GRID2: variants seen among roughly 807,000 people sequenced by gnomAD.
GRID2 encodes the protein glutamate receptor ionotropic, delta-2.
A neutral mutation model predicts 114.8 loss-of-function variants in GRID2; 33 were observed. The ratio of observed to expected loss-of-function variants is 0.29; its 90% CI spans 0.22 to 0.38. The LOEUF is 0.38. Ranked by LOEUF, GRID2 falls within the 10% of genes least tolerant of loss-of-function variation. The pLI is 1.00. For missense variants in GRID2, 1,184 were observed against 1,257.7 expected, an observed-to-expected ratio of 0.94 and a Z score of 0.89; for synonymous variants, 505 against 449.9, an observed-to-expected ratio of 1.12 and a Z score of -1.55.
intron 2 of GRID2, among the ~76,000 whole-genome samples, chr4:92,738,596 C>T (rs1343970249): frequency 6.6e-6 from 1 of 152,038 alleles, no homozygotes; most frequent in African/African-American, 2.4e-5. Flanking sequence ...TTTACTTGAA[C>T]AGACTTTTTG....
At chr4:93,545,789 A>G (rs1733155784) in intron 13 of GRID2, among the ~76,000 whole-genome samples, 1 of 152,192 alleles carries the variant, frequency 6.6e-6, no homozygotes, top group Non-Finnish European at 1.5e-5. Flanking sequence ...CTATTATACC[A>G]CAAAAAAATA....
intron 13 of GRID2, among the ~76,000 whole-genome samples, chr4:93,524,823 G>GTATATATATATATATA (rs1300787035): frequency 1.3e-4 from 8 of 59,902 alleles, no homozygotes; most frequent in Non-Finnish European, 1.8e-4. Flanking sequence ...ATGTATGTAT[G>GTATATATATATATATA]TATATATATA....
At chr4:93,732,514 G>A (rs908421642) in intron 14 of GRID2, among the ~76,000 whole-genome samples, 1 of 152,072 alleles carries the variant, frequency 6.6e-6, no homozygotes, top group Non-Finnish European at 1.5e-5. Context: ...GCTGTTTACA[G>A]GAATATATTT....
intron 10 of GRID2, among the ~76,000 whole-genome samples, chr4:93,449,096 A>G (rs76039383): frequency 0.018 from 2,665 of 150,704 alleles, 67 homozygotes; most frequent in African/African-American, 0.062. Context: ...ACATTGTAAT[A>G]TTATTTAAAA....
At chr4:93,704,857 C>T (rs528651945) in intron 14 of GRID2, among the ~76,000 whole-genome samples, 6 of 152,226 alleles carry the variant, frequency 3.9e-5, no homozygotes, top group South Asian at 4.1e-4. Flanking sequence ...AATCTGTCGA[C>T]GGACACTTAG....
chr4:93,555,648 C>A (rs988260672), intron 13 of GRID2, among the ~76,000 whole-genome samples: 1 of 152,202 alleles, frequency 6.6e-6, no homozygotes, highest in Non-Finnish European at 1.5e-5. Context: ...TGGGACAGAG[C>A]ACCTGGGGGA....
intron 1 of GRID2, among the ~76,000 whole-genome samples, chr4:92,488,194 A>C (rs946309545): frequency 3.3e-5 from 5 of 152,168 alleles, no homozygotes; most frequent in Admixed American, 1.3e-4. Context: ...TGTTTGGTTA[A>C]ATTCTTACAT....
intron 2 of GRID2, among the ~76,000 whole-genome samples, chr4:92,665,557 C>A (rs1732729608): frequency 6.6e-6 from 1 of 151,224 alleles, no homozygotes; most frequent in Non-Finnish European, 1.5e-5. Context: ...TACCATCTAG[C>A]ATCCTTCATT....
At chr4:93,725,177 C>T (rs1364977334) in intron 14 of GRID2, among the ~76,000 whole-genome samples, 3 of 152,134 alleles carry the variant, frequency 2.0e-5, no homozygotes, top group Admixed American at 2.0e-4. Context: ...TGTTCCCCTT[C>T]CTGTGTCCAT....
chr4:92,578,904 A>G (rs1728039708), intron 1 of GRID2, among the ~76,000 whole-genome samples: 1 of 152,168 alleles, frequency 6.6e-6, no homozygotes, highest in African/African-American at 2.4e-5. Flanking sequence ...AGGTCACTGT[A>G]AATTTTCATC....
intron 2 of GRID2, among the ~76,000 whole-genome samples, chr4:92,595,161 T>A (rs1728886189): frequency 1.3e-5 from 2 of 152,024 alleles, no homozygotes; most frequent in South Asian, 4.1e-4. Flanking sequence ...AGGGCAACAT[T>A]ATACTATAAA....
intron 2 of GRID2, among the ~76,000 whole-genome samples, chr4:92,858,810 G>C (rs1467939807): frequency 2.0e-5 from 3 of 152,130 alleles, no homozygotes; most frequent in Non-Finnish European, 4.4e-5. Flanking sequence ...GCCTGCCTCA[G>C]CCTCCCAAAG....
chr4:93,142,908 G>A (rs11097358), intron 4 of GRID2, among the ~76,000 whole-genome samples: 85,140 of 152,000 alleles, frequency 0.56, 25,221 homozygotes, highest in African/African-American at 0.72. Context: ...TTTCATAGCA[G>A]TGGCAGCATC....
chr4:93,159,113 G>T (rs778741200), intron 4 of GRID2, among the ~76,000 whole-genome samples: 2 of 150,120 alleles, frequency 1.3e-5, no homozygotes, highest in Non-Finnish European at 3.0e-5. Context: ...AATACTCCTC[G>T]CAAGCTGTGC....
chr4:93,390,668 T>C (rs1269458980), intron 8 of GRID2, among the ~76,000 whole-genome samples: 1 of 152,080 alleles, frequency 6.6e-6, no homozygotes, highest in Non-Finnish European at 1.5e-5. Context: ...AGAAGAATTA[T>C]AAAAGAAAGG....
intron 2 of GRID2, among the ~76,000 whole-genome samples, chr4:92,697,262 T>C (rs899329335): frequency 6.6e-6 from 1 of 152,134 alleles, no homozygotes; most frequent in African/African-American, 2.4e-5. Context: ...AGGTGGAGTT[T>C]GCAAAACCCC....
chr4:93,140,927 G>GA (rs1329728362), intron 4 of GRID2, among the ~76,000 whole-genome samples: 1 of 152,114 alleles, frequency 6.6e-6, no homozygotes, highest in African/African-American at 2.4e-5. Flanking sequence ...TAAGGTCACA[G>GA]AAAAACCTCA....
intron 2 of GRID2, among the ~76,000 whole-genome samples, chr4:92,777,408 G>T (rs1167449638): frequency 6.6e-6 from 1 of 152,010 alleles, no homozygotes; most frequent in African/African-American, 2.4e-5. Context: ...TTCTCATCCA[G>T]TCCAAATCCA....
chr4:92,461,682 G>A (rs919092875), intron 1 of GRID2, among the ~76,000 whole-genome samples: 8 of 151,590 alleles, frequency 5.3e-5, no homozygotes, highest in African/African-American at 7.3e-5. Flanking sequence ...TTAAATCATC[G>A]TGGATTACAG....
Sources: gnomAD v4.1 joint callset for allele counts (sites outside exome capture counted in the v4.1 genomes callset) on GRCh38, gnomAD v4.1.1 for gene constraint, MANE v1.5 for transcripts, NCBI Gene and HGNC (gene_info 2026-07-23, HGNC 2026-07-21) for gene names.